Variants in HSPA12B observed in about 807,000 individuals in gnomAD.
HSPA12B encodes the protein heat shock 70 kDa protein 12B.
A neutral mutation model predicts 69.3 loss-of-function variants in HSPA12B; 54 were observed. That is an observed-to-expected ratio of 0.78 (90% CI 0.63 to 0.98). HSPA12B has a LOEUF of 0.98. Ranked by LOEUF, HSPA12B falls within the 50% of genes least tolerant of loss-of-function variation. The pLI, the probability that HSPA12B is intolerant of heterozygous loss-of-function variation, is 0.00. For missense variants in HSPA12B, 929 were observed against 999.8 expected, an observed-to-expected ratio of 0.93 and a Z score of 0.96; for synonymous variants, 441 against 436.5, an observed-to-expected ratio of 1.01 and a Z score of -0.13.
chr20:3,740,895 A>G lies in HSPA12B; in HGVS notation c.124A>G (p.Thr42Ala). Residue 42 changes from threonine to alanine, a missense_variant, in exon 3 of 13, where the codon ACA (threonine) becomes GCA (alanine). By Grantham distance (58) the Thr-to-Ala change is moderately conservative. Transcript: ENST00000254963. The surrounding 1 kb of genome is among the most constrained non-coding windows in gnomAD (Gnocchi z 4.9). Reference sequence around the variant, plus strand: ...GGAAAGCTGCGGCATTGCCCCCCTCACACCCTCGCAGTCTCCAGTAAGCCC... The same window carrying G: ...GGAAAGCTGCGGCATTGCCCCCCTCGCACCCTCGCAGTCTCCAGTAAGCCC... ...TQESCGIAPL[T>A]PSQSPKPEVR... 6.2e-7 allele frequency: 1 copy of G among 1,612,894 alleles called. No homozygotes were observed. Among genetic ancestry groups the G allele is most frequent in the South Asian group, 1.1e-5 (1 of 90,922 alleles).
Position 3,745,232 on chromosome 20 carries a change from T to C in HSPA12B, c.453+144T>C, listed in dbSNP as rs947508911. The stretch of plus-strand genomic sequence containing the variant: ...GAGGGGGCGGGGCTAAAGGGAGACG[T>C]CGGACTCCGGTGTGGGCGGAGCTCA... On this transcript the variant is annotated intron_variant, in intron 5 of 12. Transcript: ENST00000254963. The surrounding 1 kb of genome is among the most constrained non-coding windows in gnomAD (Gnocchi z 5.6). 7 of 777,982 alleles carry C rather than the reference T, an allele frequency of 9.0e-6. No homozygotes were observed. Among genetic ancestry groups the C allele is most frequent in the East Asian group, 2.6e-5 (1 of 37,946 alleles). The allele number at this position is 777,982 out of a possible 1,614,324, so 48.2% of individuals were successfully genotyped here. A position where few individuals can be genotyped will look rare whatever the true frequency, so the allele number is the denominator to read the frequency against.
Position 3,738,678 on chromosome 20 carries a change from T to C in HSPA12B, c.4T>C (p.Leu2=). The part of the protein sequence containing the change: M[L]AVPEMGLQGL... ...GACAGCTACAGGGCCTGCAAGGATG[T>C]TGGCTGTCCCGGAGATGGGCCTGCA... Residue 2 remains leucine, a synonymous_variant, in exon 2 of 13, where the codon TTG becomes CTG. Coordinates refer to ENST00000254963, the MANE Select transcript of HSPA12B (RefSeq NM_052970.5). The C allele has an allele frequency of 6.2e-7, 1 of 1,614,158 alleles. No homozygotes were observed. The highest frequency in any genetic ancestry group is 8.5e-7 in the Non-Finnish European group (1 of 1,180,008).
chr20:3,751,470 C>A (rs2088418902), intron 12 of HSPA12B, 41 bp from the exon 13 acceptor site: 2 of 1,380,778 alleles, frequency 1.4e-6, no homozygotes, highest in South Asian at 1.7e-5. Flanking sequence ...GCCCCTTCTC[C>A]TCTGCCCCCT....
At position 3,752,181 on chromosome 20, in the gene HSPA12B, G is replaced by GGTGCCAGCGCCGTCTGCCCGGCCCC; in HGVS notation, c.*17_*41dup. ...TTTCCAACTGAGGGCGCGCCGGCGC[G>GGTGCCAGCGCCGTCTGCCCGGCCCC]GTGCCAGCGCCGTCTGCCCGGCCCC... On this transcript the variant is annotated 3_prime_UTR_variant, in exon 13 of 13. Transcript: ENST00000254963. The GGTGCCAGCGCCGTCTGCCCGGCCCC allele has an allele frequency of 6.9e-7, 1 of 1,456,404 alleles. No individual in the cohort carries two copies. The highest frequency in any genetic ancestry group is 9.0e-7 in the Non-Finnish European group (1 of 1,112,336). The allele number at this position is 1,456,404 out of a possible 1,614,324, so 90.2% of individuals were successfully genotyped here.
At chr20:3,738,028 C>T (rs897710439) in intron 1 of HSPA12B, among the ~76,000 whole-genome samples, 1 of 152,096 alleles carries the variant, frequency 6.6e-6, no homozygotes, top group Non-Finnish European at 1.5e-5. Flanking sequence ...CAAATTGAGT[C>T]ATGCCCCCAC....
At position 3,745,699 on chromosome 20, in the gene HSPA12B, C is replaced by A; in HGVS notation, c.558+102C>A. ...CCGTCCCCGACATTGGATGGGTAGC[C>A]ACCGCCGGAGCTCAGAGGTCATCTT... On this transcript the variant is annotated intron_variant, in intron 6 of 12. Transcript: ENST00000254963. The surrounding 1 kb of genome is among the most constrained non-coding windows in gnomAD (Gnocchi z 5.6). 9.1e-7 allele frequency: 1 copy of A among 1,101,892 alleles called. No individual in the cohort carries two copies. Among genetic ancestry groups the A allele is most frequent in the Non-Finnish European group, 1.4e-6 (1 of 735,962 alleles). The allele number at this position is 1,101,892 out of a possible 1,614,324, so 68.3% of individuals were successfully genotyped here. A position where few individuals can be genotyped will look rare whatever the true frequency, so the allele number is the denominator to read the frequency against.
intron 1 of HSPA12B, among the ~76,000 whole-genome samples, chr20:3,734,406 G>T (rs931023536): frequency 1.3e-5 from 2 of 152,236 alleles, no homozygotes; most frequent in African/African-American, 4.8e-5. Context: ...CAGGGTTAGG[G>T]ATCAGGCTGG....
At chr20:3,733,270 C>T (rs1441761224) in intron 1 of HSPA12B, among the ~76,000 whole-genome samples, 3 of 152,152 alleles carry the variant, frequency 2.0e-5, no homozygotes, top group Non-Finnish European at 4.4e-5. Flanking sequence ...GGGACCTGGT[C>T]TTCCGGGCCA....
Position 3,751,496 on chromosome 20 carries a change from C to T in HSPA12B, c.1406-15C>T. On this transcript the variant is annotated splice_polypyrimidine_tract_variant and intron_variant, in intron 12 of 12. Coordinates refer to ENST00000254963, the MANE Select transcript of HSPA12B (RefSeq NM_052970.5). The stretch of plus-strand genomic sequence containing the variant: ...TCTGCCCCCTTCACCCGCGTCCCCC[C>T]GTCCTGTCCCGCAGAGGCCCTGCTG... 7.2e-7 allele frequency: 1 copy of T among 1,397,150 alleles called. No homozygotes were observed. The highest frequency in any genetic ancestry group is 9.3e-7 in the Non-Finnish European group (1 of 1,077,774). The allele number at this position is 1,397,150 out of a possible 1,614,324, so 86.5% of individuals were successfully genotyped here.
Position 3,753,052 on chromosome 20 carries a change from AACAGCCCCACCTG to A in HSPA12B, c.*887_*899del, listed in dbSNP as rs1319626762. Reference sequence around the variant, plus strand: ...AGGCACTTCCCTCTAACTGGCATGCAACAGCCCCACCTGCCTGAGAGCCCTGAGGTGACAATAA... The same window carrying A: ...AGGCACTTCCCTCTAACTGGCATGCACCTGAGAGCCCTGAGGTGACAATAA... On this transcript the variant is annotated 3_prime_UTR_variant, in exon 13 of 13. Coordinates refer to ENST00000254963, the MANE Select transcript of HSPA12B (RefSeq NM_052970.5). 1 of 153,220 alleles carries A rather than the reference AACAGCCCCACCTG, an allele frequency of 6.5e-6. No individual in the cohort carries two copies. Among genetic ancestry groups the A allele is most frequent in the Non-Finnish European group, 1.5e-5 (1 of 68,086 alleles). 9.5% of individuals were successfully genotyped at this position (153,220 alleles called of 1,614,324 possible).
intron 2 of HSPA12B, among the ~76,000 whole-genome samples, chr20:3,739,127 G>A (rs561947923): frequency 9.8e-5 from 15 of 152,306 alleles, no homozygotes; most frequent in African/African-American, 3.1e-4. Context: ...GTGTCTCTGC[G>A]GGCAGGTCTC....
At position 3,748,232 on chromosome 20, in the gene HSPA12B, C is replaced by T. The variant is rs761424141; in HGVS notation, c.691C>T (p.Arg231Ter). 4.4e-6 allele frequency: 7 copies of T among 1,578,904 alleles called. No individual in the cohort carries two copies. The highest frequency in any genetic ancestry group is 2.3e-5 in the South Asian group (2 of 86,706). The change falls in exon 8 of 13, where the codon CGA (arginine) becomes TGA (stop). Residue 231 changes from arginine to a stop codon, truncating the protein, a stop_gained. Coordinates refer to ENST00000254963, the MANE Select transcript of HSPA12B (RefSeq NM_052970.5). LOFTEE classifies it high-confidence loss of function. ...CCATCCCCAGGCTGGACTAGTGTCC[C>T]GAGAGAATGCAGAGCAGCTACTCAT... ...EAAYLAGLVS[R>*]ENAEQLLIAL... is the part of the protein sequence containing the mutation.
chr20:3,749,718 C>A lies in HSPA12B; in HGVS notation c.938-32C>A, dbSNP rs1482295201. On this transcript the variant is annotated intron_variant, in intron 9 of 12. Coordinates refer to ENST00000254963, the MANE Select transcript of HSPA12B (RefSeq NM_052970.5). The surrounding 1 kb of genome is among the most constrained non-coding windows in gnomAD (Gnocchi z 5.5). ...CGCAGGGCTGAGGGTGCGAGGCCGC[C>A]CACGAGTGTGTGCCCGCGCTCGCCG... is the stretch of plus-strand genomic sequence containing the variant. 1.3e-6 allele frequency: 2 copies of A among 1,490,618 alleles called. No homozygotes were observed. The highest frequency in any genetic ancestry group is 2.4e-5 in the East Asian group (1 of 41,864). 92.3% of individuals were successfully genotyped at this position (1,490,618 alleles called of 1,614,324 possible). A position where few individuals can be genotyped will look rare whatever the true frequency, so the allele number is the denominator to read the frequency against.
intron 1 of HSPA12B, among the ~76,000 whole-genome samples, chr20:3,735,580 C>G (rs2088096905): frequency 6.6e-6 from 1 of 152,042 alleles, no homozygotes; most frequent in Admixed American, 6.6e-5. Context: ...ATTCTCCTGC[C>G]TCAGCCTCCT....
At chr20:3,733,517 G>A (rs531699070) in intron 1 of HSPA12B, among the ~76,000 whole-genome samples, 2 of 152,270 alleles carry the variant, frequency 1.3e-5, no homozygotes, top group East Asian at 3.9e-4. Flanking sequence ...GAGGACCCAA[G>A]GGGGTGCGGC....
rs143792329 is a variant in HSPA12B at position 3,736,212 on chromosome 20, G to A, written c.-17-2446G>A. Among the ~76,000 whole-genome samples, 139 of 152,268 alleles carry A rather than the reference G, an allele frequency of 9.1e-4. 2 individuals carry two copies. The East Asian group carries it at 0.021, about 23-fold the overall frequency. On this transcript the variant is annotated intron_variant, in intron 1 of 12. Transcript: ENST00000254963. ...AGCTGGGCTCTGGGCTCCTGCCCCT[G>A]GCTCCTAAGAACCCTCCCCTCCCCC...
At position 3,740,692 on chromosome 20, in the gene HSPA12B, G is replaced by A. The variant is rs2088185039; in HGVS notation, c.44-123G>A. ...CTACACCCCGCAGTCCTCCTCCCCAGCAGAGAGCCCTTTGCCTTAGCCCAG... is the reference window on the plus strand; with the variant it reads ...CTACACCCCGCAGTCCTCCTCCCCAACAGAGAGCCCTTTGCCTTAGCCCAG... On this transcript the variant is annotated intron_variant, in intron 2 of 12. Transcript: ENST00000254963. The surrounding 1 kb of genome is among the most constrained non-coding windows in gnomAD (Gnocchi z 4.9). 2 of 748,244 alleles carry A rather than the reference G, an allele frequency of 2.7e-6. No individual in the cohort carries two copies. The allele number at this position is 748,244 out of a possible 1,614,324, so 46.4% of individuals were successfully genotyped here.
At chr20:3,741,150 A>AC (rs549681719) in intron 3 of HSPA12B, among the ~76,000 whole-genome samples, 15 of 150,466 alleles carry the variant, frequency 1.0e-4, no homozygotes, top group Admixed American at 5.3e-4. Flanking sequence ...CTAACTCCCA[A>AC]CCCCCCCACA....
At position 3,740,830 on chromosome 20, in the gene HSPA12B, G is replaced by A. The variant is rs577327207; in HGVS notation, c.59G>A (p.Arg20Gln). 3.6e-5 allele frequency: 58 copies of A among 1,613,530 alleles called. No individual in the cohort carries two copies. The highest frequency in any genetic ancestry group is 1.2e-4 in the Admixed American group (7 of 59,946). ...TTCTCTGCAGGCTCCAGCCCGGAGCGGTCCCCAGTGCCTAGCCCACCCGGC... is the reference window on the plus strand; with the variant it reads ...TTCTCTGCAGGCTCCAGCCCGGAGCAGTCCCCAGTGCCTAGCCCACCCGGC... ...QGLYIGSSPE[R>Q]SPVPSPPGSP... The change falls in exon 3 of 13, where the codon CGG becomes CAG. Residue 20 changes from arginine to glutamine, a missense_variant. Arg to Gln is a conservative substitution (Grantham distance 43, BLOSUM62 1). Around this residue, in one of 3 missense-constraint regions of HSPA12B, gnomAD observed 477 missense variants for 535.2 expected, o/e 0.89. Coordinates refer to ENST00000254963, the MANE Select transcript of HSPA12B (RefSeq NM_052970.5). This position sits in a 1 kb window ranked among gnomAD's most constrained non-coding sequence, Gnocchi z 4.9.
Sources: allele counts gnomAD v4.1 joint callset (sites outside exome capture counted in the v4.1 genomes callset), GRCh38; gene constraint gnomAD v4.1.1; regional missense constraint gnomAD v4.1.1; non-coding constraint Gnocchi (gnomAD v3.1); transcripts MANE v1.5; gene names NCBI Gene and HGNC (gene_info 2026-07-23, HGNC 2026-07-21).